Variants in SLC26A2 observed in about 807,000 individuals in gnomAD.
SLC26A2 encodes the protein sulfate transporter.
A neutral mutation model predicts 41.1 loss-of-function variants in SLC26A2; 36 were observed. The observed-to-expected ratio is 0.88, with a 90% CI of 0.67 to 1.16. The LOEUF (loss-of-function observed/expected upper bound fraction) is 1.16, where lower values mean the gene tolerates loss of function less well. Ranked by LOEUF, SLC26A2 falls within the 50% of genes most tolerant of loss-of-function variation. The pLI is 0.00. For synonymous variants in SLC26A2, 291 were observed against 311.6 expected (o/e 0.93, Z 0.70); for missense variants, 796 against 869.6 (o/e 0.92, Z 1.07).
At chr5:149,964,544 G>A (rs1342915010) in intron 1 of SLC26A2, among the ~76,000 whole-genome samples, 2 of 151,958 alleles carry the variant, frequency 1.3e-5, no homozygotes, top group African/African-American at 2.4e-5. Context: ...TTAGGAGGCC[G>A]AGGCGGGCGG....
chr5:149,964,218 TC>T (rs1408001510), intron 1 of SLC26A2, among the ~76,000 whole-genome samples: 2 of 152,112 alleles, frequency 1.3e-5, no homozygotes, highest in Non-Finnish European at 1.5e-5. Flanking sequence ...GCTGGGCTCT[TC>T]CTTTGCTCAT....
chr5:149,980,816 A>G lies in SLC26A2; in HGVS notation c.1223A>G (p.His408Arg), dbSNP rs770881500. Residue 408 changes from histidine (H) to arginine (R), a missense_variant, in exon 3 of 3, where the codon CAT becomes CGT. Physicochemically the swap from His to Arg is conservative, Grantham distance 29 (BLOSUM62 0). Coordinates refer to ENST00000286298, the MANE Select transcript of SLC26A2 (RefSeq NM_000112.4). ...CTTTCTGAGATGTTTGCCAAGAAAC[A>G]TGGTTACACAGTCAAAGCAAACCAG... Reference protein sequence around the residue: ...VSLSEMFAKKHGYTVKANQEM... With the variant: ...VSLSEMFAKKRGYTVKANQEM... 4 of 1,614,088 alleles carry G rather than the reference A, an allele frequency of 2.5e-6. No homozygotes were observed. The highest frequency in any genetic ancestry group is 3.4e-6 in the Non-Finnish European group (4 of 1,179,996).
intron 1 of SLC26A2, among the ~76,000 whole-genome samples, chr5:149,973,584 G>A (rs1369696873): frequency 6.6e-6 from 1 of 151,522 alleles, no homozygotes; most frequent in African/African-American, 2.4e-5. Flanking sequence ...GTGCTGGTCT[G>A]CTGGCCTTAA....
At chr5:149,961,233 T>C (rs1754697948) in intron 1 of SLC26A2, among the ~76,000 whole-genome samples, 1 of 151,846 alleles carries the variant, frequency 6.6e-6, no homozygotes, top group African/African-American at 2.4e-5. Context: ...CCATCCCGCG[T>C]ATCTCGCCGT....
chr5:149,968,083 TGAA>T (rs932451113), intron 1 of SLC26A2, among the ~76,000 whole-genome samples: 13 of 152,096 alleles, frequency 8.5e-5, no homozygotes, highest in African/African-American at 2.9e-4. Context: ...ATGTTGTAGA[TGAA>T]GAGTATCAGA....
At chr5:149,978,426 C>A in intron 2 of SLC26A2, 75 bp downstream of exon 2, 6 of 1,156,528 alleles carry the variant, frequency 5.2e-6, no homozygotes, top group Non-Finnish European at 7.7e-6. Flanking sequence ...TCTAAGGGAT[C>A]TGAGGAATCA....
intron 1 of SLC26A2, among the ~76,000 whole-genome samples, chr5:149,961,503 TGA>T (rs1271599194): frequency 2.6e-5 from 4 of 152,162 alleles, no homozygotes; most frequent in African/African-American, 9.7e-5. Context: ...ATGGAAACAC[TGA>T]GAAGACAGAG....
At chr5:149,975,815 T>G (rs897612670) in intron 1 of SLC26A2, among the ~76,000 whole-genome samples, 1 of 152,190 alleles carries the variant, frequency 6.6e-6, no homozygotes, top group Admixed American at 6.5e-5. Flanking sequence ...CAAGGGCCCA[T>G]TTTTCTGTCA....
chr5:149,967,188 G>A (rs1215592209), intron 1 of SLC26A2, among the ~76,000 whole-genome samples: 2 of 152,198 alleles, frequency 1.3e-5, no homozygotes, highest in South Asian at 2.1e-4. Flanking sequence ...AGAAAATTAT[G>A]TAACAGGTTA....
At position 149,980,490 on chromosome 5, in the gene SLC26A2, G is replaced by A. The variant is rs199635266; in HGVS notation, c.897G>A (p.Lys299=). 1.6e-5 allele frequency: 26 copies of A among 1,614,108 alleles called. No homozygotes were observed. The African/African-American group carries it at 2.7e-4, about 17-fold the overall frequency. The stretch of plus-strand genomic sequence containing the variant: ...TACATGTCTTCAGAAACATCCATAA[G>A]ACCAATCTCTGTGATCTTATCACCA... ...TWIHVFRNIH[K]TNLCDLITSL... Residue 299 remains lysine, a synonymous_variant, in exon 3 of 3, where the codon AAG becomes AAA. Coordinates refer to ENST00000286298, the MANE Select transcript of SLC26A2 (RefSeq NM_000112.4).
chr5:149,967,876 A>G (rs1754832153), intron 1 of SLC26A2, among the ~76,000 whole-genome samples: 1 of 151,680 alleles, frequency 6.6e-6, no homozygotes, highest in Non-Finnish European at 1.5e-5. Context: ...CAGCCTCCCA[A>G]AGTGCTGGGA....
In SLC26A2 at chr5:149,986,400, G is replaced by A. The variant is rs962697853; in HGVS notation, c.*4587G>A. 2 of 151,964 alleles carry A rather than the reference G, an allele frequency of 1.3e-5. No homozygotes were observed. Among genetic ancestry groups the A allele is most frequent in the African/African-American group, 2.4e-5 (1 of 41,356 alleles). 9.4% of individuals were successfully genotyped at this position (151,964 alleles called of 1,614,324 possible). A position where few individuals can be genotyped will look rare whatever the true frequency, so the allele number is the denominator to read the frequency against. On this transcript the variant is annotated 3_prime_UTR_variant, in exon 3 of 3. Coordinates refer to ENST00000286298, the MANE Select transcript of SLC26A2 (RefSeq NM_000112.4). ...ACCAGCTGGTTTGTTATTATAGTCC[G>A]TGTATTAAAATACTATTGAAATACG...
chr5:149,980,421 C>T lies in SLC26A2; in HGVS notation c.828C>T (p.Asn276=). Residue 276 remains asparagine, a synonymous_variant, in exon 3 of 3, where the codon AAC becomes AAT. Transcript: ENST00000286298. ...AGGCCAAGTATCTTCTTGGGCTCAA[C>T]CTTCCTCGGACTAATGGTGTGGGCT... ...TSQAKYLLGL[N]LPRTNGVGSL... is the part of the protein sequence containing the mutation. The T allele has an allele frequency of 6.2e-7, 1 of 1,614,118 alleles. No homozygotes were observed. Among genetic ancestry groups the T allele is most frequent in the Non-Finnish European group, 8.5e-7 (1 of 1,179,998 alleles).
At position 149,983,365 on chromosome 5, in the gene SLC26A2, G is replaced by C. The variant is rs143723917; in HGVS notation, c.*1552G>C. 957 of 152,244 alleles carry C rather than the reference G, an allele frequency of 6.3e-3. 8 individuals carry two copies. Among genetic ancestry groups the C allele is most frequent in the African/African-American group, 0.021 (881 of 41,542 alleles). The allele number at this position is 152,244 out of a possible 1,614,324, so 9.4% of individuals were successfully genotyped here. A position where few individuals can be genotyped will look rare whatever the true frequency, so the allele number is the denominator to read the frequency against. On this transcript the variant is annotated 3_prime_UTR_variant, in exon 3 of 3. Coordinates refer to ENST00000286298, the MANE Select transcript of SLC26A2 (RefSeq NM_000112.4). Reference sequence around the variant, plus strand: ...CAACAAAGCAGTTGCTCAGTAGAAAGTCTAGATTTCTGTCTTATAGGTGAT... The same window carrying C: ...CAACAAAGCAGTTGCTCAGTAGAAACTCTAGATTTCTGTCTTATAGGTGAT...
chr5:149,977,459 T>C (rs1303116873), intron 1 of SLC26A2, among the ~76,000 whole-genome samples, 169 bp from the exon 2 acceptor site: 3 of 152,194 alleles, frequency 2.0e-5, no homozygotes, highest in Non-Finnish European at 4.4e-5. Flanking sequence ...GGTCTTTTTT[T>C]TTCCCCCTAA....
rs1755094895 is a variant in SLC26A2 at position 149,981,280 on chromosome 5, T to G, written c.1687T>G (p.Phe563Val). 9 of 1,614,210 alleles carry G rather than the reference T, an allele frequency of 5.6e-6. No individual in the cohort carries two copies. Among genetic ancestry groups the G allele is most frequent in the African/African-American group, 1.3e-5 (1 of 75,054 alleles). ...TGGCTTGGTGGAAGAGTCTGAGGTC[T>G]TTGAATCTGTGTCTGCTTACAAGAA... ...LLGLVEESEV[F>V]ESVSAYKNLQ... The change falls in exon 3 of 3, where the codon TTT becomes GTT. Residue 563 changes from phenylalanine (F) to valine (V), a missense_variant. Physicochemically the swap from Phe to Val is conservative, Grantham distance 50. Transcript: ENST00000286298.
At position 149,978,155 on chromosome 5, in the gene SLC26A2, T is replaced by C. The variant is rs1381904339; in HGVS notation, c.503T>C (p.Leu168Pro). ...RHISVGIFGVLCLMIGETVDR... is the reference protein window; with the variant it reads ...RHISVGIFGVPCLMIGETVDR... ...ATCTCTGTGGGCATTTTTGGAGTACTGTGCCTTATGATTGGTGAGACAGTT... is the reference window on the plus strand; with the variant it reads ...ATCTCTGTGGGCATTTTTGGAGTACCGTGCCTTATGATTGGTGAGACAGTT... Residue 168 changes from leucine (L) to proline (P), a missense_variant, in exon 2 of 3, where the codon CTG becomes CCG. By Grantham distance (98) the Leu-to-Pro change is moderately conservative. Transcript: ENST00000286298. 4 of 1,611,502 alleles carry C rather than the reference T, an allele frequency of 2.5e-6. No homozygotes were observed. The South Asian group carries it at 3.3e-5, about 13-fold the overall frequency.
chr5:149,982,693 G>C lies in SLC26A2; in HGVS notation c.*880G>C, dbSNP rs140956049. On this transcript the variant is annotated 3_prime_UTR_variant, in exon 3 of 3. Transcript: ENST00000286298. ...TAAACTGGTGTTTTTGTCAGTGACA[G>C]TCTTGCCAGTCAGCAATTTCTAACA... is the stretch of plus-strand genomic sequence containing the variant. The C allele has an allele frequency of 8.6e-4, 131 of 152,290 alleles. No individual in the cohort carries two copies. The highest frequency in any genetic ancestry group is 3.0e-3 in the African/African-American group (126 of 41,552). 9.4% of individuals were successfully genotyped at this position (152,290 alleles called of 1,614,324 possible).
chr5:149,963,154 G>T (rs933469432), intron 1 of SLC26A2, among the ~76,000 whole-genome samples: 1 of 152,032 alleles, frequency 6.6e-6, no homozygotes, highest in Non-Finnish European at 1.5e-5. Context: ...TTGTTGCCCA[G>T]GCTGGAGTGC....
Sources: gnomAD v4.1 joint callset for allele counts (sites outside exome capture counted in the v4.1 genomes callset) on GRCh38, gnomAD v4.1.1 for gene constraint, MANE v1.5 for transcripts, NCBI Gene and HGNC (gene_info 2026-07-23, HGNC 2026-07-21) for gene names.